Variants in SPATA7 observed in about 807,000 individuals in gnomAD.
The protein encoded by SPATA7 is spermatogenesis-associated protein 7.
In SPATA7, 43 loss-of-function variants were observed where a neutral mutation model predicts 51.8. The ratio of observed to expected loss-of-function variants is 0.83; its 90% CI spans 0.65 to 1.07. The LOEUF (loss-of-function observed/expected upper bound fraction) is 1.07, where lower values mean the gene tolerates loss of function less well. Ranked by LOEUF, SPATA7 falls within the 50% of genes least tolerant of loss-of-function variation. The probability of loss-of-function intolerance (pLI) is 0.00; values close to 1 mark genes in which losing one functional copy is unlikely to be tolerated. For synonymous variants in SPATA7, 230 were observed against 252.8 expected (o/e 0.91, Z 0.86); for missense variants, 683 against 701.3 (o/e 0.97, Z 0.30).
At position 88,453,255 on chromosome 14, in the gene SPATA7, A is replaced by T. The variant is rs117723912; in HGVS notation, c.178-1805A>T. ...TTAGCTTCAGATAAGGTTATAGGGAAAACAGGATATTTCCTCTTCTCTTTA... is the reference window on the plus strand; with the variant it reads ...TTAGCTTCAGATAAGGTTATAGGGATAACAGGATATTTCCTCTTCTCTTTA... On this transcript the variant is annotated intron_variant, in intron 3 of 3. Transcript: ENST00000554802. 5.4e-3 allele frequency among the ~76,000 whole-genome samples: 818 copies of T among 152,340 alleles called. 4 individuals carry two copies. The highest frequency in any genetic ancestry group is 8.3e-3 in the Non-Finnish European group (567 of 68,034).
chr14:88,435,635 A>G (rs1315732799), intron 10 of SPATA7, among the ~76,000 whole-genome samples: 1 of 152,026 alleles, frequency 6.6e-6, no homozygotes, highest in Non-Finnish European at 1.5e-5. Context: ...CCATGAGTTC[A>G]ATTGTTTTGA....
chr14:88,463,693 G>A (rs1045554562), intron 4 of SPATA7, among the ~76,000 whole-genome samples: 9 of 152,060 alleles, frequency 5.9e-5, no homozygotes, highest in Non-Finnish European at 1.2e-4. Flanking sequence ...AACTTTTAGA[G>A]CATATTTTTT....
chr14:88,427,730 T>C (rs1364911947), intron 7 of SPATA7, 34 bp downstream of exon 7: 1 of 1,422,830 alleles, frequency 7.0e-7, no homozygotes, highest in Non-Finnish European at 9.9e-7. Context: ...TATTGCTACA[T>C]TTGAATTACA....
intron 3 of SPATA7, among the ~76,000 whole-genome samples, chr14:88,449,948 T>A (rs2077240131): frequency 6.6e-6 from 1 of 152,090 alleles, no homozygotes; most frequent in African/African-American, 2.4e-5. Context: ...TGGTAACAAA[T>A]ATCCCACTGG....
At chr14:88,467,653 T>C (rs746938255) in intron 4 of SPATA7, 2 of 152,592 alleles carry the variant, frequency 1.3e-5, no homozygotes, top group Admixed American at 6.5e-5. Context: ...GATTTTTAAA[T>C]ACAAAGTTAT....
At position 88,396,853 on chromosome 14, in the gene SPATA7, A is replaced by ATTTTC. The variant is rs1021454731; in HGVS notation, c.238+665_238+669dup. 4.2e-5 allele frequency among the ~76,000 whole-genome samples: 6 copies of ATTTTC among 141,938 alleles called. No homozygotes were observed. The South Asian group carries it at 1.1e-3, about 26-fold the overall frequency. The allele number at this position is 141,938 out of a possible 152,430, so 93.1% of individuals were successfully genotyped here. A position where few individuals can be genotyped will look rare whatever the true frequency, so the allele number is the denominator to read the frequency against. On this transcript the variant is annotated intron_variant, in intron 4 of 11. Coordinates refer to ENST00000393545, the MANE Select transcript of SPATA7 (RefSeq NM_018418.5). ...TAATTTTTTGAGAAACTACCATACTATTTTCTTTTCTTTTCTTTTTTCTTT... is the reference window on the plus strand; with the variant it reads ...TAATTTTTTGAGAAACTACCATACTATTTTCTTTTCTTTTCTTTTCTTTTTTCTTT...
In SPATA7 at chr14:88,469,720, T is replaced by C; in HGVS notation, c.255-127T>C. ...TCGTGGCCAGTACCTAAAGCTCTTC[T>C]CCCTTCCACCCTCCTGTTAAAGATG... On this transcript the variant is annotated intron_variant, in intron 4 of 4. Transcript: ENST00000556406. The surrounding 1 kb of genome is among the most constrained non-coding windows in gnomAD (Gnocchi z 4.3). The C allele has an allele frequency of 6.2e-7, 1 of 1,614,116 alleles. No homozygotes were observed. Among genetic ancestry groups the C allele is most frequent in the Non-Finnish European group, 8.5e-7 (1 of 1,180,008 alleles).
chr14:88,421,735 G>A (rs1165474528), intron 5 of SPATA7, among the ~76,000 whole-genome samples: 1 of 152,094 alleles, frequency 6.6e-6, no homozygotes, highest in Non-Finnish European at 1.5e-5. Flanking sequence ...CGGATCACAA[G>A]GTCAGGAGTT....
chr14:88,453,616 A>G (rs1237004960), intron 3 of SPATA7, among the ~76,000 whole-genome samples: 1 of 152,186 alleles, frequency 6.6e-6, no homozygotes, highest in Non-Finnish European at 1.5e-5. Flanking sequence ...TGATCCAAAG[A>G]TTTCTTTTTG....
chr14:88,425,714 T>G (rs1294897832), intron 5 of SPATA7, among the ~76,000 whole-genome samples: 1 of 152,038 alleles, frequency 6.6e-6, no homozygotes, highest in Non-Finnish European at 1.5e-5. Flanking sequence ...GAATAAATAT[T>G]TATTAATTAT....
chr14:88,454,009 A>G (rs55877506), intron 3 of SPATA7, among the ~76,000 whole-genome samples: 5,771 of 152,288 alleles, frequency 0.038, 354 homozygotes, highest in African/African-American at 0.13. Flanking sequence ...TGAGGCCTCC[A>G]TATCACCTAG....
intron 4 of SPATA7, among the ~76,000 whole-genome samples, chr14:88,406,986 A>G (rs535598456): frequency 1.9e-4 from 29 of 152,176 alleles, no homozygotes; most frequent in Non-Finnish European, 3.7e-4. Flanking sequence ...TATGTGCCAC[A>G]TTTTCTTTAT....
At chr14:88,389,744 C>T (rs574309373) in intron 1 of SPATA7, among the ~76,000 whole-genome samples, 21 of 152,182 alleles carry the variant, frequency 1.4e-4, no homozygotes, top group Non-Finnish European at 3.1e-4. Flanking sequence ...GGAAGCATTT[C>T]TATCCAGAGC....
intron 4 of SPATA7, chr14:88,466,302 C>T (rs1387649415): frequency 6.6e-6 from 1 of 151,686 alleles, no homozygotes; most frequent in Non-Finnish European, 1.5e-5. Flanking sequence ...AATTTTGTTC[C>T]TACATGAGAA....
intron 4 of SPATA7, among the ~76,000 whole-genome samples, chr14:88,396,809 A>G (rs558803880): frequency 6.6e-6 from 1 of 152,098 alleles, no homozygotes; most frequent in Non-Finnish European, 1.5e-5. Context: ...TGGAATTGCT[A>G]AATCATATAT....
At chr14:88,430,568 C>T (rs1273970244) in intron 8 of SPATA7, among the ~76,000 whole-genome samples, 1 of 152,040 alleles carries the variant, frequency 6.6e-6, no homozygotes, top group Non-Finnish European at 1.5e-5. Context: ...AAAATATTTT[C>T]ATAATAATGT....
intron 4 of SPATA7, among the ~76,000 whole-genome samples, chr14:88,401,870 T>C (rs1303425286): frequency 6.8e-6 from 1 of 147,684 alleles, no homozygotes; most frequent in East Asian, 2.0e-4. Flanking sequence ...AAAGTAAGGT[T>C]ACTTCTGTTT....
chr14:88,448,757 G>A (rs144405087), intron 3 of SPATA7, among the ~76,000 whole-genome samples: 2 of 152,108 alleles, frequency 1.3e-5, no homozygotes, highest in Non-Finnish European at 2.9e-5. Flanking sequence ...TGAGGTGTCA[G>A]TCTGCCCCTG....
chr14:88,391,305 A>C, intron 1 of SPATA7, 76 bp from the exon 2 acceptor site: 1 of 1,168,824 alleles, frequency 8.6e-7, no homozygotes, highest in South Asian at 1.4e-5. Context: ...TTATTTAAAA[A>C]ATATTGAATA....
Sources: gnomAD v4.1 joint callset for allele counts (sites outside exome capture counted in the v4.1 genomes callset) on GRCh38, gnomAD v4.1.1 for gene constraint, Gnocchi (gnomAD v3.1) non-coding constraint, MANE v1.5 for transcripts, NCBI Gene and HGNC (gene_info 2026-07-23, HGNC 2026-07-21) for gene names.